The following DNAH14 variants were observed in gnomAD, a reference collection of about 807,000 sequenced individuals.
DNAH14 encodes the protein dynein axonemal heavy chain 14.
DNAH14 carries 478 observed loss-of-function variants against 520.9 expected under a neutral mutation model. The ratio of observed to expected loss-of-function variants is 0.92; its 90% confidence interval spans 0.85 to 0.99. The LOEUF (loss-of-function observed/expected upper bound fraction) is 0.99. Among genes scored for constraint, DNAH14 ranks in the 50% least tolerant of loss-of-function variants. DNAH14 has a pLI of 0.00. For synonymous variants in DNAH14, 1,581 were observed against 1,757.2 expected (o/e 0.90, Z 2.51); for missense variants, 4,831 against 5,234.5 (o/e 0.92, Z 2.38).
chr1:225,109,377 C>A (rs552521534), intron 23 of DNAH14, among the ~76,000 whole-genome samples: 1 of 151,910 alleles, frequency 6.6e-6, no homozygotes, highest in East Asian at 1.9e-4. Flanking sequence ...TTTTGGTGTC[C>A]TCATCAATTT....
chr1:225,367,743 G>T, intron 76 of DNAH14, 62 bp from the exon 77 acceptor site: 1 of 1,161,702 alleles, frequency 8.6e-7, no homozygotes, highest in Non-Finnish European at 1.2e-6. Flanking sequence ...AAAGACAAGT[G>T]CCCTGAAGAC....
At chr1:225,285,939 GTTC>G (rs1278729028) in intron 54 of DNAH14, among the ~76,000 whole-genome samples, 2 of 152,188 alleles carry the variant, frequency 1.3e-5, no homozygotes, top group Non-Finnish European at 2.9e-5. Flanking sequence ...TCCTCTATCT[GTTC>G]TTCTGTTGAT....
intron 7 of DNAH14, 41 bp downstream of exon 7, chr1:224,968,915 C>G: frequency 7.2e-7 from 1 of 1,383,938 alleles, no homozygotes; most frequent in Non-Finnish European, 9.9e-7. Flanking sequence ...GTAGTTTGAT[C>G]CTATTGAAGG....
At chr1:225,035,918 G>A (rs1352548592) in intron 11 of DNAH14, among the ~76,000 whole-genome samples, 2 of 152,122 alleles carry the variant, frequency 1.3e-5, no homozygotes, top group Non-Finnish European at 2.9e-5. Context: ...GTCCAAGGGT[G>A]AAAGTGTGGT....
chr1:225,339,133 A>G (rs895713512), intron 68 of DNAH14, among the ~76,000 whole-genome samples: 13 of 97,788 alleles, frequency 1.3e-4, no homozygotes, highest in Admixed American at 5.6e-4. Flanking sequence ...TCCTGTCTCA[A>G]TGAAATACAA....
intron 20 of DNAH14, among the ~76,000 whole-genome samples, chr1:225,083,309 G>A (rs3105562): frequency 0.8 from 120,674 of 151,516 alleles, 51,380 homozygotes; most frequent in Non-Finnish European, 0.96. Context: ...AACATATAAT[G>A]TAATCAAAAC....
Position 225,338,173 on chromosome 1 carries a change from C to G in DNAH14, c.10424C>G (p.Ser3475Ter), listed in dbSNP as rs2095100685. Residue 3475 changes from serine to a stop codon, truncating the protein, a stop_gained, in exon 68 of 86, where the codon TCA becomes TGA. Coordinates refer to ENST00000682510, the MANE Select transcript of DNAH14 (RefSeq NM_001367479.1). LOFTEE classifies it high-confidence loss of function. ...RVGDAEFEYN[S>*]NFRLYLSTEI... is the part of the protein sequence containing the mutation. ...GGTGATGCTGAGTTCGAATACAATT[C>G]AAATTTTAGGTAATGTGCCACAGCT... 2.6e-6 allele frequency: 4 copies of G among 1,551,624 alleles called. No homozygotes were observed. In the South Asian group the frequency reaches 4.8e-5, roughly 18 times the overall value.
chr1:225,353,983 G>A (rs1213792424), intron 73 of DNAH14, 95 bp downstream of exon 73: 6 of 763,544 alleles, frequency 7.9e-6, no homozygotes, highest in Non-Finnish European at 1.3e-5. Flanking sequence ...TACAAGCAAA[G>A]TGTATTTTTA....
At chr1:225,319,452 T>C (rs1574741301) in intron 61 of DNAH14, among the ~76,000 whole-genome samples, 1 of 152,164 alleles carries the variant, frequency 6.6e-6, no homozygotes, top group South Asian at 2.1e-4. Flanking sequence ...TAATGAAAGA[T>C]GTGGAAATTT....
chr1:225,212,746 CG>C (rs2088629283), intron 41 of DNAH14, among the ~76,000 whole-genome samples: 1 of 151,582 alleles, frequency 6.6e-6, no homozygotes, highest in African/African-American at 2.4e-5. Context: ...CACTTTTTGA[CG>C]GGGCTGTTTG....
intron 10 of DNAH14, among the ~76,000 whole-genome samples, chr1:225,020,735 C>T (rs574493781): frequency 1.1e-4 from 17 of 151,988 alleles, no homozygotes; most frequent in Middle Eastern, 6.8e-3. Context: ...CTACCAAATA[C>T]GCAAAGAGCT....
intron 41 of DNAH14, among the ~76,000 whole-genome samples, chr1:225,227,520 A>G (rs2090654468): frequency 6.6e-6 from 1 of 152,184 alleles, no homozygotes; most frequent in Non-Finnish European, 1.5e-5. Flanking sequence ...ACAGATCAAA[A>G]TGAAGTTTCT....
intron 26 of DNAH14, among the ~76,000 whole-genome samples, chr1:225,122,165 G>A (rs975727051): frequency 6.6e-5 from 10 of 152,126 alleles, no homozygotes; most frequent in East Asian, 5.8e-4. Flanking sequence ...AGTTAGTACC[G>A]CTTTATTTTA....
chr1:225,309,964 C>A (rs1449020101), intron 60 of DNAH14, among the ~76,000 whole-genome samples: 1 of 151,640 alleles, frequency 6.6e-6, no homozygotes, highest in Non-Finnish European at 1.5e-5. Context: ...CAGCATGGCA[C>A]ATGTATACAT....
At chr1:225,333,734 T>C (rs2150300686) in intron 66 of DNAH14, among the ~76,000 whole-genome samples, 1 of 152,278 alleles carries the variant, frequency 6.6e-6, no homozygotes, top group African/African-American at 2.4e-5. Flanking sequence ...AAAATATCCC[T>C]TTTCCCATTG....
intron 76 of DNAH14, 59 bp downstream of exon 76, chr1:225,364,953 C>T: frequency 8.8e-7 from 1 of 1,138,338 alleles, no homozygotes. Context: ...GAATGCAAGT[C>T]ATCTTACATT....
At chr1:225,145,260 G>A (rs1194332760) in intron 29 of DNAH14, 66 bp from the exon 30 acceptor site, 3 of 1,254,940 alleles carry the variant, frequency 2.4e-6, no homozygotes, top group Non-Finnish European at 3.3e-6. Context: ...TATTACTCTA[G>A]CAGTTTTAAC....
chr1:224,955,771 T>C (rs1025587453), intron 3 of DNAH14, among the ~76,000 whole-genome samples: 4 of 152,078 alleles, frequency 2.6e-5, no homozygotes, highest in African/African-American at 9.7e-5. Context: ...TCTTATGTCT[T>C]TTTTTCTCCT....
intron 29 of DNAH14, 100 bp downstream of exon 29, chr1:225,144,728 T>C: frequency 2.2e-6 from 2 of 914,974 alleles, no homozygotes; most frequent in Non-Finnish European, 3.2e-6. Context: ...ATTAAGATGT[T>C]CATTGCATTA....
Sources: allele counts gnomAD v4.1 joint callset (sites outside exome capture counted in the v4.1 genomes callset), GRCh38; gene constraint gnomAD v4.1.1; transcripts MANE v1.5; gene names NCBI Gene and HGNC (gene_info 2026-07-23, HGNC 2026-07-21).